CNR2: variants seen among roughly 807,000 people sequenced by gnomAD.
CNR2 encodes the protein cannabinoid receptor 2.
For synonymous variants in CNR2, 172 were observed against 182.2 expected (o/e 0.94, Z 0.45); for missense variants, 379 against 439.9 (o/e 0.86, Z 1.24).
intron 1 of CNR2, among the ~76,000 whole-genome samples, chr1:23,892,511 G>A (rs569089145): frequency 1.3e-5 from 2 of 152,276 alleles, no homozygotes; most frequent in Non-Finnish European, 2.9e-5. Context: ...TGTCTATTAG[G>A]AGAAAAGCAG....
chr1:23,879,941 G>GTTA (rs1445474399), intron 1 of CNR2, among the ~76,000 whole-genome samples: 1 of 152,130 alleles, frequency 6.6e-6, no homozygotes, highest in African/African-American at 2.4e-5. Flanking sequence ...AGTCCTTAGT[G>GTTA]TTATGGTCCC....
intron 1 of CNR2, among the ~76,000 whole-genome samples, chr1:23,879,624 A>G (rs772889862): frequency 3.9e-5 from 6 of 152,246 alleles, no homozygotes; most frequent in Non-Finnish European, 8.8e-5. Context: ...AACAAAAACA[A>G]AAACAAAGTA....
At chr1:23,909,968 CTT>C (rs1173757745) in intron 1 of CNR2, among the ~76,000 whole-genome samples, 21 of 142,806 alleles carry the variant, frequency 1.5e-4, no homozygotes, top group Non-Finnish European at 1.4e-4. Context: ...CTCTCTCCTT[CTT>C]TTTTTTTTTT....
At chr1:23,901,534 C>T (rs7523673) in intron 1 of CNR2, 15 of 1,607,540 alleles carry the variant, frequency 9.3e-6, no homozygotes, top group Admixed American at 5.0e-5. Flanking sequence ...TGGTGCTGTC[C>T]GAGGAGCACT....
chr1:23,882,996 T>G (rs1172414789), intron 1 of CNR2, among the ~76,000 whole-genome samples: 1 of 151,778 alleles, frequency 6.6e-6, no homozygotes, highest in Non-Finnish European at 1.5e-5. Flanking sequence ...GAGAAAGAAC[T>G]GACAAAGTCA....
intron 1 of CNR2, among the ~76,000 whole-genome samples, chr1:23,909,060 C>T (rs1387068162): frequency 6.6e-6 from 1 of 151,976 alleles, no homozygotes. Context: ...CACCGGACAC[C>T]GAACCACGAA....
chr1:23,902,428 C>T lies in CNR2; in HGVS notation c.-46+10818G>A, dbSNP rs562360361. The stretch of plus-strand genomic sequence containing the variant: ...AAGTTGACGCAGGCTTTTGCCAATG[C>T]TGGGACGATGTACTTCTTAGCAGCC... On this transcript the variant is annotated intron_variant, in intron 1 of 1. Coordinates refer to ENST00000374472, the MANE Select transcript of CNR2 (RefSeq NM_001841.3). The T allele has an allele frequency of 2.5e-5, 39 of 1,589,676 alleles. No homozygotes were observed. In the South Asian group the frequency reaches 4.0e-4, roughly 16 times the overall value.
chr1:23,890,870 GTCT>G (rs201886082), intron 1 of CNR2, among the ~76,000 whole-genome samples: 1,871 of 78,300 alleles, frequency 0.024, 64 homozygotes, highest in African/African-American at 0.076. Context: ...TCCCCCTCTG[GTCT>G]TCTTCTTCTT....
In CNR2 at chr1:23,903,750, A is replaced by G. The variant is rs117113390; in HGVS notation, c.-46+9496T>C. ...GGATTGTGGGGAGCTTCACTTTAAC[A>G]ATAGCTAGTTGTGTAAAATGCAATT... On this transcript the variant is annotated intron_variant, in intron 1 of 1. Coordinates refer to ENST00000374472, the MANE Select transcript of CNR2 (RefSeq NM_001841.3). Among the ~76,000 whole-genome samples the G allele has an allele frequency of 1.2e-3, 184 of 152,272 alleles. 6 individuals are homozygous for G. In the East Asian group the frequency reaches 0.03, roughly 25 times the overall value.
chr1:23,891,392 GCAGATCACCTGAGTT>G (rs935803302), intron 1 of CNR2, among the ~76,000 whole-genome samples: 8 of 151,804 alleles, frequency 5.3e-5, no homozygotes, highest in African/African-American at 1.7e-4. Flanking sequence ...GCTAAGGCAG[GCAGATCACCTGAGTT>G]CAGGAGTTCG....
rs1639848320 is a variant in CNR2 at position 23,875,171 on chromosome 1, C to T, written c.447G>A (p.Arg149=). Residue 149 remains arginine, a synonymous_variant, in exon 2 of 2, where the codon AGG becomes AGA. Transcript: ENST00000374472. ...PSYKALLTRG[R]ALVTLGIMWV... is the part of the protein sequence containing the mutation. The stretch of plus-strand genomic sequence containing the variant: ...ACATGATGCCCAGGGTCACCAGTGC[C>T]CTTCCACGGGTGAGCAGAGCTTTGT... The T allele has an allele frequency of 6.2e-7, 1 of 1,613,980 alleles. No individual in the cohort carries two copies. The highest frequency in any genetic ancestry group is 2.2e-5 in the East Asian group (1 of 44,884).
intron 1 of CNR2, among the ~76,000 whole-genome samples, chr1:23,912,803 G>A (rs1640608473): frequency 6.6e-6 from 1 of 152,172 alleles, no homozygotes; most frequent in Non-Finnish European, 1.5e-5. Flanking sequence ...GTCCTGAAAT[G>A]ACATCTATCC....
At chr1:23,907,356 G>C (rs1443058036) in intron 1 of CNR2, among the ~76,000 whole-genome samples, 1 of 146,164 alleles carries the variant, frequency 6.8e-6, no homozygotes, top group African/African-American at 2.5e-5. Context: ...GTTGCAGTGA[G>C]CCGAGATCGC....
intron 1 of CNR2, among the ~76,000 whole-genome samples, chr1:23,877,172 A>G (rs1402958694): frequency 6.6e-6 from 1 of 152,212 alleles, no homozygotes; most frequent in Non-Finnish European, 1.5e-5. Context: ...TGATATAAAA[A>G]CAATAAAGAA....
intron 1 of CNR2, among the ~76,000 whole-genome samples, chr1:23,896,881 G>GTTTTTTTTTTTTTTTT (rs5773060): frequency 2.1e-5 from 3 of 141,806 alleles, no homozygotes; most frequent in Non-Finnish European, 1.5e-5. Context: ...CACCAGGAGT[G>GTTTTTTTTTTTTTTTT]TTTTTTTTTT....
chr1:23,887,109 T>G (rs1221413261), intron 1 of CNR2, among the ~76,000 whole-genome samples: 1 of 152,192 alleles, frequency 6.6e-6, no homozygotes, highest in Non-Finnish European at 1.5e-5. Context: ...TTTTGCCATG[T>G]TGGCCAGGCT....
At chr1:23,902,708 C>T in intron 1 of CNR2, 1 of 1,589,356 alleles carries the variant, frequency 6.3e-7, no homozygotes, top group Non-Finnish European at 8.5e-7. Flanking sequence ...CGTTGTTGAA[C>T]ATGAGCGCGT....
intron 1 of CNR2, among the ~76,000 whole-genome samples, chr1:23,894,540 C>T (rs1640245390): frequency 6.6e-6 from 1 of 150,534 alleles, no homozygotes; most frequent in South Asian, 2.1e-4. Context: ...CAGTGGCTCA[C>T]ACCTGTAATC....
intron 1 of CNR2, among the ~76,000 whole-genome samples, chr1:23,903,312 C>T (rs918140653): frequency 2.0e-5 from 3 of 152,188 alleles, no homozygotes; most frequent in Non-Finnish European, 4.4e-5. Flanking sequence ...CAGTGATTCA[C>T]ACCTGTAATC....
Sources: gnomAD v4.1 joint callset for allele counts (sites outside exome capture counted in the v4.1 genomes callset) on GRCh38, gnomAD v4.1.1 for gene constraint, MANE v1.5 for transcripts, NCBI Gene and HGNC (gene_info 2026-07-23, HGNC 2026-07-21) for gene names.